Variants in FNDC3A observed in about 807,000 individuals in gnomAD.
The protein encoded by FNDC3A is fibronectin type III domain containing 3A.
FNDC3A carries 32 observed loss-of-function variants against 148.9 expected under a neutral mutation model. That is an observed-to-expected ratio of 0.21 (90% CI 0.16 to 0.29). The LOEUF (loss-of-function observed/expected upper bound fraction) is 0.29. Among genes scored for constraint, FNDC3A ranks in the 10% least tolerant of loss-of-function variants. FNDC3A has a pLI of 1.00. For missense variants in FNDC3A, 1,191 were observed against 1,452.8 expected (o/e 0.82, Z 2.93); for synonymous variants, 472 against 473.6 (o/e 1.00, Z 0.04).
At chr13:48,984,388 G>A (rs1951751022) in intron 1 of FNDC3A, among the ~76,000 whole-genome samples, 1 of 152,074 alleles carries the variant, frequency 6.6e-6, no homozygotes, top group African/African-American at 2.4e-5. Flanking sequence ...TCAAAAAGAA[G>A]TATAATAAAT....
chr13:49,163,905 G>T (rs895336977), intron 8 of FNDC3A, among the ~76,000 whole-genome samples: 5 of 152,074 alleles, frequency 3.3e-5, no homozygotes, highest in African/African-American at 1.2e-4. Flanking sequence ...TATGATTGTG[G>T]TTTGGTGGTT....
chr13:49,016,829 A>T (rs1346826133), intron 2 of FNDC3A, among the ~76,000 whole-genome samples: 2 of 151,656 alleles, frequency 1.3e-5, no homozygotes, highest in Admixed American at 6.6e-5. Flanking sequence ...TTCAAAGAAC[A>T]TCTTTATTTC....
At chr13:49,000,553 A>G (rs551172148) in intron 1 of FNDC3A, among the ~76,000 whole-genome samples, 3 of 152,238 alleles carry the variant, frequency 2.0e-5, no homozygotes, top group South Asian at 2.1e-4. Context: ...TGCTTTGACT[A>G]TTTGGGATCC....
Position 49,207,811 on chromosome 13 carries a change from T to C in FNDC3A, c.*416T>C, listed in dbSNP as rs947880529. On this transcript the variant is annotated 3_prime_UTR_variant, in exon 26 of 26. Coordinates refer to ENST00000492622, the MANE Select transcript of FNDC3A (RefSeq NM_001079673.2). ...GAATAGAATTTACACTAACATGCTA[T>C]ATAAAATGTTAAAGTCTGATGCTGT... is the stretch of plus-strand genomic sequence containing the variant. The C allele has an allele frequency of 6.4e-6, 1 of 156,778 alleles. No homozygotes were observed. The highest frequency in any genetic ancestry group is 1.9e-4 in the East Asian group (1 of 5,282). The allele number at this position is 156,778 out of a possible 1,614,324, so 9.7% of individuals were successfully genotyped here.
At chr13:49,135,320 C>T (rs36057624) in intron 5 of FNDC3A, among the ~76,000 whole-genome samples, 2,435 of 152,066 alleles carry the variant, frequency 0.016, 25 homozygotes, top group Non-Finnish European at 0.026. Flanking sequence ...TTTTCACTTT[C>T]CTTGTGGTAT....
chr13:49,036,458 CT>C (rs1874500906), intron 2 of FNDC3A, among the ~76,000 whole-genome samples: 1 of 152,182 alleles, frequency 6.6e-6, no homozygotes, highest in African/African-American at 2.4e-5. Flanking sequence ...TCAGACAGCA[CT>C]GGTGTTGAAA....
rs1001446487 is a variant in FNDC3A at position 49,203,190 on chromosome 13, G to C, written c.3188G>C (p.Cys1063Ser). 6.2e-7 allele frequency: 1 copy of C among 1,603,476 alleles called. No individual in the cohort carries two copies. Among genetic ancestry groups the C allele is most frequent in the Middle Eastern group, 1.7e-4 (1 of 6,034 alleles). Residue 1063 changes from cysteine (C) to serine (S), a missense_variant, in exon 25 of 26, where the codon TGT becomes TCT. Coordinates refer to ENST00000492622, the MANE Select transcript of FNDC3A (RefSeq NM_001079673.2). ...ATAGAGAAAGTAAATGATCACATTT[G>C]TGAAATTACATGGGAGTGTTTACAG... is the stretch of plus-strand genomic sequence containing the variant. ...PKIEKVNDHI[C>S]EITWECLQPM... is the part of the protein sequence containing the mutation.
chr13:49,171,925 C>A, intron 10 of FNDC3A, 118 bp from the exon 11 acceptor site: 1 of 661,924 alleles, frequency 1.5e-6, no homozygotes, highest in Non-Finnish European at 2.6e-6. Flanking sequence ...AACATTTTCG[C>A]AGGACCAAGT....
At chr13:49,093,126 C>T (rs1003188696) in intron 3 of FNDC3A, among the ~76,000 whole-genome samples, 13 of 152,238 alleles carry the variant, frequency 8.5e-5, no homozygotes, top group East Asian at 5.8e-4. Context: ...TGTAGGCCCA[C>T]ATCAGCCTTT....
chr13:49,153,693 G>C (rs1469457141), intron 8 of FNDC3A, among the ~76,000 whole-genome samples: 1 of 144,502 alleles, frequency 6.9e-6, no homozygotes. Context: ...ATTGATTTTT[G>C]TATAAGGTGT....
intron 8 of FNDC3A, among the ~76,000 whole-genome samples, chr13:49,156,142 T>A (rs1363937599): frequency 4.1e-5 from 6 of 147,734 alleles, no homozygotes; most frequent in African/African-American, 1.6e-4. Flanking sequence ...CCATTATTAA[T>A]GTGTGGGAGT....
chr13:49,142,561 T>C (rs1882751352), intron 7 of FNDC3A, among the ~76,000 whole-genome samples: 1 of 152,230 alleles, frequency 6.6e-6, no homozygotes, highest in Admixed American at 6.5e-5. Context: ...GGTATCTATG[T>C]GGGAGTCCAT....
At chr13:49,178,790 T>A in intron 14 of FNDC3A, 136 bp downstream of exon 14, 1 of 530,836 alleles carries the variant, frequency 1.9e-6, no homozygotes, top group Non-Finnish European at 3.2e-6. Context: ...GCTGCTGCAG[T>A]GGCACAATCA....
chr13:49,074,727 A>C (rs1412718753), intron 2 of FNDC3A, among the ~76,000 whole-genome samples: 1 of 152,168 alleles, frequency 6.6e-6, no homozygotes, highest in Non-Finnish European at 1.5e-5. Flanking sequence ...TAGAATGTTA[A>C]CAATGTGTAT....
intron 2 of FNDC3A, among the ~76,000 whole-genome samples, chr13:49,019,785 A>G (rs914818724): frequency 3.3e-5 from 5 of 152,250 alleles, no homozygotes; most frequent in Admixed American, 6.5e-5. Context: ...AGACTGTCCT[A>G]TAATGGGCAT....
intron 2 of FNDC3A, among the ~76,000 whole-genome samples, chr13:49,040,408 G>C (rs1477620287): frequency 6.6e-6 from 1 of 152,138 alleles, no homozygotes; most frequent in Non-Finnish European, 1.5e-5. Context: ...TGCACTTACG[G>C]ATGGCAAAGG....
intron 3 of FNDC3A, among the ~76,000 whole-genome samples, chr13:49,084,269 A>G (rs1448428742): frequency 1.3e-5 from 2 of 152,212 alleles, no homozygotes; most frequent in Non-Finnish European, 2.9e-5. Flanking sequence ...TGCCTGTTTC[A>G]TCTTTTATCA....
intron 3 of FNDC3A, among the ~76,000 whole-genome samples, chr13:49,109,977 G>C (rs1880437690): frequency 6.6e-6 from 1 of 152,046 alleles, no homozygotes; most frequent in Non-Finnish European, 1.5e-5. Flanking sequence ...ATGAAAATTA[G>C]CGGCAGGCTG....
At chr13:49,173,850 T>C (rs1884889135) in intron 11 of FNDC3A, among the ~76,000 whole-genome samples, 1 of 152,200 alleles carries the variant, frequency 6.6e-6, no homozygotes, top group African/African-American at 2.4e-5. Context: ...CCATTTTAGT[T>C]ACCACTCTAA....
Sources: gnomAD v4.1 joint callset for allele counts (sites outside exome capture counted in the v4.1 genomes callset) on GRCh38, gnomAD v4.1.1 for gene constraint, MANE v1.5 for transcripts, NCBI Gene and HGNC (gene_info 2026-07-23, HGNC 2026-07-21) for gene names.